RYR2: variants seen among roughly 807,000 people sequenced by gnomAD.
RYR2 encodes ryanodine receptor 2.
RYR2 carries 227 observed loss-of-function variants against 601.1 expected under a neutral mutation model. The observed-to-expected ratio is 0.38, with a 90% confidence interval of 0.34 to 0.42. The LOEUF (loss-of-function observed/expected upper bound fraction) is 0.42, where lower values mean the gene tolerates loss of function less well. Ranked by LOEUF, RYR2 falls within the 10% of genes least tolerant of loss-of-function variation. The pLI, the probability that RYR2 is intolerant of heterozygous loss-of-function variation, is 1.00. For missense variants in RYR2, 4,646 were observed against 6,156.5 expected, an observed-to-expected ratio of 0.75 and a Z score of 8.21; for synonymous variants, 2,223 against 2,175.1, an observed-to-expected ratio of 1.02 and a Z score of -0.61.
chr1:237,704,736 CA>C lies in RYR2; in HGVS notation c.9450-468del, dbSNP rs141169787. On this transcript the variant is annotated intron_variant, in intron 66 of 104. Coordinates refer to ENST00000366574, the MANE Select transcript of RYR2 (RefSeq NM_001035.3). ...TGCGGTTATAAAGTGATTGGGGAAACAAAAAAAAATTCAAAGGTAAGGAAAA... is the reference window on the plus strand; with the variant it reads ...TGCGGTTATAAAGTGATTGGGGAAACAAAAAAAATTCAAAGGTAAGGAAAA... Among the ~76,000 whole-genome samples the C allele has an allele frequency of 3.7e-3, 545 of 146,744 alleles. 3 individuals carry two copies. The highest frequency in any genetic ancestry group is 0.021 in the Middle Eastern group (6 of 284).
chr1:237,606,089 A>T (rs1319141292), intron 35 of RYR2, among the ~76,000 whole-genome samples: 1 of 151,668 alleles, frequency 6.6e-6, no homozygotes, highest in East Asian at 1.9e-4. Context: ...TATGGAACCA[A>T]AAAAGAGCCT....
chr1:237,714,310 A>G (rs1689080077), intron 71 of RYR2, among the ~76,000 whole-genome samples: 1 of 152,246 alleles, frequency 6.6e-6, no homozygotes, highest in Non-Finnish European at 1.5e-5. Context: ...ATACAGCTGA[A>G]TATCTAACAA....
chr1:237,113,485 C>G (rs1669726442), intron 1 of RYR2, among the ~76,000 whole-genome samples: 1 of 152,140 alleles, frequency 6.6e-6, no homozygotes, highest in African/African-American at 2.4e-5. Flanking sequence ...CAGGCATGAG[C>G]CATCGTGTCC....
intron 29 of RYR2, among the ~76,000 whole-genome samples, chr1:237,586,678 C>G (rs1343136286): frequency 1.3e-5 from 2 of 152,080 alleles, no homozygotes; most frequent in African/African-American, 4.8e-5. Flanking sequence ...AGAACCCTGG[C>G]TGCTTAGATG....
chr1:237,669,615 G>T (rs1230957056), intron 58 of RYR2, among the ~76,000 whole-genome samples: 2 of 151,928 alleles, frequency 1.3e-5, no homozygotes, highest in African/African-American at 2.4e-5. Context: ...TCTCAGACGG[G>T]GCGGCCGGGC....
Position 237,731,946 on chromosome 1 carries a change from G to T in RYR2, c.10936-100G>T, listed in dbSNP as rs942676687. On this transcript the variant is annotated intron_variant, in intron 77 of 104. Coordinates refer to ENST00000366574, the MANE Select transcript of RYR2 (RefSeq NM_001035.3). ...CCACAACAGGGAAGGAGGAACGTTC[G>T]CATTCCTTTTATTCTTCATTGCTGT... is the stretch of plus-strand genomic sequence containing the variant. The T allele has an allele frequency of 6.5e-5, 42 of 650,456 alleles. No homozygotes were observed. The South Asian group carries it at 7.7e-4, about 12-fold the overall frequency. 40.3% of individuals were successfully genotyped at this position (650,456 alleles called of 1,614,324 possible).
chr1:237,448,552 G>C (rs1326214269), intron 14 of RYR2, among the ~76,000 whole-genome samples: 1 of 151,958 alleles, frequency 6.6e-6, no homozygotes, highest in Non-Finnish European at 1.5e-5. Context: ...CAGTCTCTTT[G>C]TTCTACTAAT....
intron 84 of RYR2, among the ~76,000 whole-genome samples, chr1:237,766,745 C>T (rs551210157): frequency 6.2e-4 from 95 of 152,106 alleles, no homozygotes; most frequent in African/African-American, 2.0e-3. Context: ...ATTTTTTTTC[C>T]GCTCCAGCTA....
chr1:237,065,692 AATTGT>A (rs1663516831), intron 1 of RYR2, among the ~76,000 whole-genome samples: 1 of 152,122 alleles, frequency 6.6e-6, no homozygotes, highest in Non-Finnish European at 1.5e-5. Context: ...TTGACAATGT[AATTGT>A]ATTAGTCCGT....
At chr1:237,666,672 C>T in intron 57 of RYR2, 83 bp downstream of exon 57, 1 of 1,112,158 alleles carries the variant, frequency 9.0e-7, no homozygotes, top group Non-Finnish European at 1.3e-6. Flanking sequence ...ATATATTTGG[C>T]AGCATGGTTT....
chr1:237,486,807 C>A (rs1368309442), intron 17 of RYR2, among the ~76,000 whole-genome samples: 1 of 152,048 alleles, frequency 6.6e-6, no homozygotes, highest in Non-Finnish European at 1.5e-5. Flanking sequence ...CCAAGACTAA[C>A]CTTTTTAGGT....
At chr1:237,102,360 A>C (rs1267598748) in intron 1 of RYR2, among the ~76,000 whole-genome samples, 1 of 152,206 alleles carries the variant, frequency 6.6e-6, no homozygotes, top group African/African-American at 2.4e-5. Context: ...GCCATCCTGC[A>C]TGCAGGCACA....
chr1:237,064,627 A>C (rs892851869), intron 1 of RYR2, among the ~76,000 whole-genome samples: 13 of 151,834 alleles, frequency 8.6e-5, no homozygotes, highest in African/African-American at 2.9e-4. Flanking sequence ...CAGGCACATC[A>C]TTGTCATCTC....
At chr1:237,390,174 A>ATGCAAT (rs1262475450) in intron 10 of RYR2, among the ~76,000 whole-genome samples, 5 of 151,858 alleles carry the variant, frequency 3.3e-5, no homozygotes, top group African/African-American at 9.7e-5. Context: ...CTTATAAGAG[A>ATGCAAT]CCATGCCAGA....
intron 1 of RYR2, among the ~76,000 whole-genome samples, chr1:237,125,724 A>C (rs1380723901): frequency 6.6e-6 from 1 of 152,278 alleles, no homozygotes; most frequent in Non-Finnish European, 1.5e-5. Context: ...CATGTATCAT[A>C]AAATAAGTAT....
chr1:237,234,880 G>C (rs1174920896), intron 1 of RYR2, among the ~76,000 whole-genome samples: 1 of 151,382 alleles, frequency 6.6e-6, no homozygotes, highest in Non-Finnish European at 1.5e-5. Context: ...TTACAGTTTT[G>C]TGATTTTTTT....
chr1:237,224,329 T>C (rs1174106983), intron 1 of RYR2, among the ~76,000 whole-genome samples: 1 of 152,234 alleles, frequency 6.6e-6, no homozygotes, highest in Non-Finnish European at 1.5e-5. Context: ...GTTTATGTTA[T>C]ACCAACTGTT....
intron 92 of RYR2, among the ~76,000 whole-genome samples, chr1:237,789,536 CATGGCTGCAGGTATAGTTCTATTATAGG>C (rs1442272278): frequency 1.5e-5 from 2 of 129,608 alleles, no homozygotes; most frequent in East Asian, 4.2e-4. Flanking sequence ...TATTATAGGT[CATGGCTGCAGGTATAGTTCTATTATAGG>C]TCATGGCTGC....
intron 35 of RYR2, among the ~76,000 whole-genome samples, chr1:237,605,453 C>T (rs573434097): frequency 5.3e-5 from 8 of 152,218 alleles, no homozygotes; most frequent in African/African-American, 1.9e-4. Flanking sequence ...ATGACAAACC[C>T]ACAGCCAATA....
Sources: allele counts gnomAD v4.1 joint callset (sites outside exome capture counted in the v4.1 genomes callset), GRCh38; gene constraint gnomAD v4.1.1; transcripts MANE v1.5; gene names NCBI Gene and HGNC (gene_info 2026-07-23, HGNC 2026-07-21).